The following HDGFL2 variants were observed in gnomAD, a reference collection of about 807,000 sequenced individuals.
HDGFL2 encodes hepatoma-derived growth factor-related protein 2.
A neutral mutation model predicts 77.1 loss-of-function variants in HDGFL2; 36 were observed. The observed-to-expected ratio is 0.47, with a 90% CI of 0.36 to 0.62. The LOEUF is 0.62. HDGFL2 is among the 20% of genes least tolerant of loss of function. The pLI is 0.00. For synonymous variants in HDGFL2, 463 were observed against 413.1 expected, an observed-to-expected ratio of 1.12 and a Z score of -1.46; for missense variants, 976 against 973.4, an observed-to-expected ratio of 1.00 and a Z score of -0.04.
chr19:4,491,724 C>T (rs540029812), intron 5 of HDGFL2, 40 bp from the exon 6 acceptor site: 2 of 1,613,192 alleles, frequency 1.2e-6, no homozygotes, highest in East Asian at 4.5e-5. Context: ...AGCGTGGTGG[C>T]TGCCAGTGGG....
At chr19:4,497,272 A>C (rs1446463557) in intron 10 of HDGFL2, 1 of 401,892 alleles carries the variant, frequency 2.5e-6, no homozygotes, top group Non-Finnish European at 4.9e-6. Context: ...ATCTCAGCTC[A>C]CTGCAACCTC....
At chr19:4,491,886 C>A in intron 6 of HDGFL2, 51 bp downstream of exon 6, 1 of 1,510,084 alleles carries the variant, frequency 6.6e-7, no homozygotes, top group Non-Finnish European at 9.2e-7. Flanking sequence ...GGCACCTCTG[C>A]GGTCTCCAGT....
chr19:4,492,826 GTGT>G (rs1975558881), intron 6 of HDGFL2, among the ~76,000 whole-genome samples: 1 of 150,140 alleles, frequency 6.7e-6, no homozygotes, highest in African/African-American at 2.5e-5. Flanking sequence ...TGGTCTGTGT[GTGT>G]TATCTGTGTG....
At chr19:4,491,928 G>A in intron 6 of HDGFL2, 93 bp downstream of exon 6, 2 of 1,161,632 alleles carry the variant, frequency 1.7e-6, no homozygotes, top group Non-Finnish European at 2.5e-6. Context: ...GCCATTTCTG[G>A]AGGGGGTGGG....
chr19:4,476,516 TATC>T (rs1975077618), intron 3 of HDGFL2, among the ~76,000 whole-genome samples: 1 of 151,816 alleles, frequency 6.6e-6, no homozygotes, highest in African/African-American at 2.4e-5. Context: ...AACAGAGTGT[TATC>T]ATAGCTCTCA....
rs1484464520 is a variant in HDGFL2 at position 4,488,870 on chromosome 19, G to A, written c.483G>A (p.Ala161=). 27 of 1,551,142 alleles carry A rather than the reference G, an allele frequency of 1.7e-5. No homozygotes were observed. Among genetic ancestry groups the A allele is most frequent in the Middle Eastern group, 3.3e-4 (2 of 5,992 alleles). ...GTGGCCTGAAGAGGAAGACGCCTGCGCTAAAGGTAGGGGAGGACCAAGGTG... is the reference window on the plus strand; with the variant it reads ...GTGGCCTGAAGAGGAAGACGCCTGCACTAAAGGTAGGGGAGGACCAAGGTG... The part of the protein sequence containing the change: ...DNSGLKRKTP[A]LKMSVSKRAR... The change falls in exon 4 of 16, where the codon GCG becomes GCA. Residue 161 remains alanine (A), a synonymous_variant. Coordinates refer to ENST00000616600, the MANE Select transcript of HDGFL2 (RefSeq NM_001001520.3).
intron 3 of HDGFL2, among the ~76,000 whole-genome samples, chr19:4,479,399 T>C (rs1309556832): frequency 6.7e-6 from 1 of 149,514 alleles, no homozygotes; most frequent in Non-Finnish European, 1.5e-5. Context: ...CTGGCTAACT[T>C]GGTGAAACCC....
chr19:4,485,411 A>G (rs1380603297), intron 3 of HDGFL2, among the ~76,000 whole-genome samples: 3 of 151,926 alleles, frequency 2.0e-5, no homozygotes, highest in South Asian at 2.1e-4. Flanking sequence ...GTTAACGGAC[A>G]TTTGGGTTTT....
At chr19:4,486,988 C>T (rs4807593) in intron 3 of HDGFL2, among the ~76,000 whole-genome samples, 77,466 of 150,988 alleles carry the variant, frequency 0.51, 20,361 homozygotes, top group African/African-American at 0.61. Context: ...TTTTTTGAGA[C>T]GGAGTCTCGC....
intron 15 of HDGFL2, 89 bp from the exon 16 acceptor site, chr19:4,501,822 C>G: frequency 1.0e-6 from 1 of 954,992 alleles, no homozygotes; most frequent in Non-Finnish European, 1.5e-6. Flanking sequence ...AACGGGGGTA[C>G]ACTCCTCGGT....
intron 14 of HDGFL2, among the ~76,000 whole-genome samples, chr19:4,500,317 C>T (rs191044233): frequency 5.9e-5 from 9 of 152,046 alleles, no homozygotes; most frequent in East Asian, 5.8e-4. Flanking sequence ...GATGGGGTCT[C>T]GCTCTGTCCC....
intron 9 of HDGFL2, 142 bp from the exon 10 acceptor site, chr19:4,496,160 C>G (rs1330808378): frequency 1.4e-6 from 1 of 689,986 alleles, no homozygotes; most frequent in Admixed American, 2.3e-5. Context: ...CCTCCCTCCT[C>G]TCCCATCCTG....
chr19:4,494,039 C>G lies in HDGFL2; in HGVS notation c.896C>G (p.Ser299Cys), dbSNP rs560030113. ...AAACCGAAGCCTGAACGGCCTCCGTCCAGCTCCAGCAGTGACAGGTGGGTG... is the reference window on the plus strand; with the variant it reads ...AAACCGAAGCCTGAACGGCCTCCGTGCAGCTCCAGCAGTGACAGGTGGGTG... ...GRKPKPERPPSSSSSDSDSDE... is the reference protein window; with the variant it reads ...GRKPKPERPPCSSSSDSDSDE... Residue 299 changes from serine (S) to cysteine (C), a missense_variant, in exon 8 of 16, where the codon TCC becomes TGC. This residue lies in a region of HDGFL2 where 567 missense variants were observed against 534.7 expected (regional missense o/e 1.06). Transcript: ENST00000616600. 1 of 1,609,848 alleles carries G rather than the reference C, an allele frequency of 6.2e-7. No homozygotes were observed.
In HDGFL2 at chr19:4,496,330, C is replaced by G. The variant is rs1975700537; in HGVS notation, c.1253C>G (p.Ser418Cys). The G allele has an allele frequency of 2.5e-6, 4 of 1,614,054 alleles. No individual in the cohort carries two copies. Among genetic ancestry groups the G allele is most frequent in the African/African-American group, 2.7e-5 (2 of 74,932 alleles). The part of the protein sequence containing the change: ...EAKKSAKKPQ[S>C]SSTEPARKPG... ...AAGAAATCAGCGAAGAAGCCGCAGT[C>G]CTCAAGCACAGAGCCCGCCAGGAAA... The change falls in exon 10 of 16, where the codon TCC (serine) becomes TGC (cysteine). Residue 418 changes from serine (S) to cysteine (C), a missense_variant. Coordinates refer to ENST00000616600, the MANE Select transcript of HDGFL2 (RefSeq NM_001001520.3).
chr19:4,496,807 G>A (rs1053443785), intron 10 of HDGFL2: 17 of 378,938 alleles, frequency 4.5e-5, no homozygotes, highest in African/African-American at 2.5e-4. Context: ...ACTGCACCCC[G>A]GCCTAGGGGT....
At chr19:4,477,857 G>A (rs1432994602) in intron 3 of HDGFL2, among the ~76,000 whole-genome samples, 1 of 152,064 alleles carries the variant, frequency 6.6e-6, no homozygotes, top group African/African-American at 2.4e-5. Context: ...TGTGGCTGGT[G>A]GATCACGAAG....
In HDGFL2 at chr19:4,502,153, T is replaced by A; in HGVS notation, c.*143T>A. 1.4e-6 allele frequency: 1 copy of A among 701,564 alleles called. No homozygotes were observed. Among genetic ancestry groups the A allele is most frequent in the South Asian group, 1.6e-5 (1 of 64,012 alleles). The allele number at this position is 701,564 out of a possible 1,614,324, so 43.5% of individuals were successfully genotyped here. A position where few individuals can be genotyped will look rare whatever the true frequency, so the allele number is the denominator to read the frequency against. On this transcript the variant is annotated 3_prime_UTR_variant, in exon 16 of 16. Transcript: ENST00000616600. ...CTTGGGTTTTTTTTTCCTGCCTAAT[T>A]TCTGTGATTTCCAACCAACATGAAA...
intron 3 of HDGFL2, among the ~76,000 whole-genome samples, chr19:4,487,943 TAA>T (rs71340907): frequency 5.0e-4 from 71 of 142,708 alleles, no homozygotes; most frequent in African/African-American, 6.2e-4. Context: ...TTGAATGACT[TAA>T]AAAAAAAAAA....
At chr19:4,472,571 T>C in intron 1 of HDGFL2, 149 bp downstream of exon 1, 1 of 452,776 alleles carries the variant, frequency 2.2e-6, no homozygotes, top group Non-Finnish European at 3.5e-6. Context: ...TCTGGGGGTG[T>C]CCGAGACCCG....
Sources: gnomAD v4.1 joint callset for allele counts (sites outside exome capture counted in the v4.1 genomes callset) on GRCh38, gnomAD v4.1.1 for gene constraint, gnomAD v4.1.1 regional missense constraint, MANE v1.5 for transcripts, NCBI Gene and HGNC (gene_info 2026-07-23, HGNC 2026-07-21) for gene names.